MYO1D: variants seen among roughly 807,000 people sequenced by gnomAD.
MYO1D encodes unconventional myosin-Id.
Under a neutral mutation model 122.0 loss-of-function variants are expected in MYO1D, and 83 were observed. The ratio of observed to expected loss-of-function variants is 0.68; its 90% CI spans 0.57 to 0.82. The LOEUF (loss-of-function observed/expected upper bound fraction) is 0.82. Ranked by LOEUF, MYO1D falls within the 40% of genes least tolerant of loss-of-function variation. The pLI, the probability that MYO1D is intolerant of heterozygous loss-of-function variation, is 0.00. For synonymous variants in MYO1D, 464 were observed against 446.9 expected, an observed-to-expected ratio of 1.04 and a Z score of -0.48; for missense variants, 1,157 against 1,269.5, an observed-to-expected ratio of 0.91 and a Z score of 1.35.
At chr17:32,527,782 A>G (rs1280783553) in intron 21 of MYO1D, among the ~76,000 whole-genome samples, 5 of 152,160 alleles carry the variant, frequency 3.3e-5, no homozygotes, top group Non-Finnish European at 7.3e-5. Context: ...TGGGCAACAA[A>G]GAGAGACTCT....
chr17:32,853,312 C>G (rs1228813113), intron 1 of MYO1D, among the ~76,000 whole-genome samples: 1 of 152,196 alleles, frequency 6.6e-6, no homozygotes, highest in African/African-American at 2.4e-5. Context: ...CCACAGTCTT[C>G]TAAAATGTAA....
intron 1 of MYO1D, chr17:32,830,308 A>G (rs1260012279): frequency 2.0e-5 from 3 of 152,206 alleles, no homozygotes; most frequent in African/African-American, 7.2e-5. Flanking sequence ...AACTGAGATA[A>G]CTCACTACCT....
At chr17:32,780,151 C>T (rs1025668259) in intron 2 of MYO1D, among the ~76,000 whole-genome samples, 2 of 152,142 alleles carry the variant, frequency 1.3e-5, no homozygotes, top group Admixed American at 1.3e-4. Flanking sequence ...TTTTGGCCCC[C>T]ACGCCTCAGT....
chr17:32,757,363 G>A (rs1351576117), intron 10 of MYO1D, among the ~76,000 whole-genome samples: 1 of 152,074 alleles, frequency 6.6e-6, no homozygotes, highest in Non-Finnish European at 1.5e-5. Flanking sequence ...GTCAAAATGG[G>A]GTAGGGGTGC....
intron 16 of MYO1D, among the ~76,000 whole-genome samples, chr17:32,669,247 C>T (rs1597989554): frequency 1.3e-5 from 2 of 152,162 alleles, no homozygotes; most frequent in African/African-American, 4.8e-5. Flanking sequence ...GAGAAAAGTG[C>T]CCTCTCCTTG....
chr17:32,833,910 C>T (rs905660400), intron 1 of MYO1D, among the ~76,000 whole-genome samples: 3 of 152,090 alleles, frequency 2.0e-5, no homozygotes, highest in African/African-American at 4.8e-5. Flanking sequence ...TACTACACCT[C>T]CGAACACTCC....
At chr17:32,586,892 G>T (rs1389534350) in intron 21 of MYO1D, among the ~76,000 whole-genome samples, 1 of 152,156 alleles carries the variant, frequency 6.6e-6, no homozygotes, top group African/African-American at 2.4e-5. Flanking sequence ...CTGGCCTGGA[G>T]TGTGAATTAA....
In MYO1D at chr17:32,712,206, A is replaced by G. The variant is rs765159989; in HGVS notation, c.1914-11T>C. Reference sequence around the variant, plus strand: ...GAGATCATCTTATACCTGGATGAAAAAAAGAAACAGGGTTAAGGGAGAAAA... The same window carrying G: ...GAGATCATCTTATACCTGGATGAAAGAAAGAAACAGGGTTAAGGGAGAAAA... On this transcript the variant is annotated splice_polypyrimidine_tract_variant and intron_variant, in intron 15 of 21. Transcript: ENST00000318217. 6.2e-7 allele frequency: 1 copy of G among 1,605,392 alleles called. No individual in the cohort carries two copies. Among genetic ancestry groups the G allele is most frequent in the Non-Finnish European group, 8.5e-7 (1 of 1,172,830 alleles).
chr17:32,664,126 T>C (rs1033532144), intron 16 of MYO1D, among the ~76,000 whole-genome samples: 12 of 152,354 alleles, frequency 7.9e-5, no homozygotes, highest in Middle Eastern at 3.4e-3. Flanking sequence ...AGGACAAGCA[T>C]TGAAAACTAC....
At chr17:32,653,783 G>A in intron 19 of MYO1D, 60 bp downstream of exon 19, 1 of 1,427,020 alleles carries the variant, frequency 7.0e-7, no homozygotes, top group Non-Finnish European at 9.8e-7. Flanking sequence ...GCTTGCTTAA[G>A]TGAGTTTCAT....
intron 16 of MYO1D, among the ~76,000 whole-genome samples, chr17:32,681,706 G>A (rs1305597610): frequency 6.7e-6 from 1 of 148,942 alleles, no homozygotes; most frequent in Non-Finnish European, 1.5e-5. Context: ...GTGGTGTGGT[G>A]CTGAAAAAAA....
intron 1 of MYO1D, among the ~76,000 whole-genome samples, chr17:32,811,305 C>T (rs2090569962): frequency 6.6e-6 from 1 of 152,160 alleles, no homozygotes; most frequent in South Asian, 2.1e-4. Flanking sequence ...TGTTGTCTTC[C>T]TCATCTCCAT....
At chr17:32,734,281 A>AT (rs2089671230) in intron 14 of MYO1D, among the ~76,000 whole-genome samples, 1 of 152,112 alleles carries the variant, frequency 6.6e-6, no homozygotes, top group South Asian at 2.1e-4. Flanking sequence ...TTTCAAATTC[A>AT]TTGGCATATA....
intron 1 of MYO1D, among the ~76,000 whole-genome samples, chr17:32,787,201 C>A (rs1301422666): frequency 6.6e-6 from 1 of 151,892 alleles, no homozygotes; most frequent in African/African-American, 2.4e-5. Context: ...ATGGACACTG[C>A]TGAAAATAGA....
chr17:32,601,495 A>G (rs1208576609), intron 21 of MYO1D, among the ~76,000 whole-genome samples: 1 of 152,202 alleles, frequency 6.6e-6, no homozygotes, highest in Non-Finnish European at 1.5e-5. Flanking sequence ...CAGTAATAAC[A>G]AAGATCACTG....
intron 20 of MYO1D, among the ~76,000 whole-genome samples, chr17:32,613,541 C>T (rs1177196155): frequency 2.6e-5 from 4 of 151,842 alleles, no homozygotes; most frequent in East Asian, 1.9e-4. Context: ...TTTTGGAGGC[C>T]GAGGTGGGCA....
Position 32,760,390 on chromosome 17 carries a change from C to A in MYO1D, c.1196G>T (p.Cys399Phe). 6.2e-7 allele frequency: 1 copy of A among 1,609,366 alleles called. No individual in the cohort carries two copies. The highest frequency in any genetic ancestry group is 8.5e-7 in the Non-Finnish European group (1 of 1,176,410). ...IFDNNSFEQF[C>F]INYCNEKLQQ... ...CAGTTTCTCATTGCAGTAATTGATA[C>A]AGAATTGTTCAAAACTACAAGAAAA... The change falls in exon 10 of 22, where the codon TGT becomes TTT. Residue 399 changes from cysteine to phenylalanine, a missense_variant. Transcript: ENST00000318217.
At chr17:32,611,139 C>CA (rs2087695720) in intron 20 of MYO1D, among the ~76,000 whole-genome samples, 1 of 152,164 alleles carries the variant, frequency 6.6e-6, no homozygotes, top group Admixed American at 6.5e-5. Flanking sequence ...CCTGAGAAAT[C>CA]AGAGCAGATG....
chr17:32,644,711 G>C (rs1177648220), intron 19 of MYO1D, among the ~76,000 whole-genome samples: 1 of 152,062 alleles, frequency 6.6e-6, no homozygotes, highest in Non-Finnish European at 1.5e-5. Context: ...TTTAAGGTCC[G>C]TTTTATCAGA....
Sources: allele counts gnomAD v4.1 joint callset (sites outside exome capture counted in the v4.1 genomes callset), GRCh38; gene constraint gnomAD v4.1.1; transcripts MANE v1.5; gene names NCBI Gene and HGNC (gene_info 2026-07-23, HGNC 2026-07-21).